HS3ST4: variants seen among roughly 807,000 people sequenced by gnomAD.
The protein encoded by HS3ST4 is heparan sulfate-glucosamine 3-sulfotransferase 4, also known as heparan sulfate glucosamine 3-O-sulfotransferase 4.
HS3ST4 carries 17 observed loss-of-function variants against 29.2 expected under a neutral mutation model. That is an observed-to-expected ratio of 0.58 (90% CI 0.40 to 0.87). The LOEUF is 0.87. Ranked by LOEUF, HS3ST4 falls within the 40% of genes least tolerant of loss-of-function variation. The probability of loss-of-function intolerance (pLI) is 0.00; values close to 1 mark genes in which losing one functional copy is unlikely to be tolerated. For synonymous variants in HS3ST4, 314 were observed against 285.7 expected (o/e 1.10, Z -1.00); for missense variants, 627 against 634.5 (o/e 0.99, Z 0.13).
At chr16:25,717,207 A>G (rs1032728038) in intron 1 of HS3ST4, among the ~76,000 whole-genome samples, 2 of 152,178 alleles carry the variant, frequency 1.3e-5, no homozygotes, top group South Asian at 2.1e-4. Flanking sequence ...TTATTCGGAC[A>G]TGAATTCAGG....
At position 25,928,564 on chromosome 16, in the gene HS3ST4, G is replaced by A. The variant is rs1270008174; in HGVS notation, c.735-207048G>A. On this transcript the variant is annotated intron_variant, in intron 1 of 1. Coordinates refer to ENST00000331351, the MANE Select transcript of HS3ST4 (RefSeq NM_006040.3). Reference sequence around the variant, plus strand: ...CTGTAGAATTCATGTGGCCTCCTATGCTTTGCTTCCAAGATAGAGTACTGT... The same window carrying A: ...CTGTAGAATTCATGTGGCCTCCTATACTTTGCTTCCAAGATAGAGTACTGT... 2.6e-5 allele frequency among the ~76,000 whole-genome samples: 4 copies of A among 152,166 alleles called. No individual in the cohort carries two copies. In the East Asian group the frequency reaches 7.7e-4, roughly 29 times the overall value.
At chr16:25,985,427 G>A (rs1033207804) in intron 1 of HS3ST4, among the ~76,000 whole-genome samples, 2 of 152,164 alleles carry the variant, frequency 1.3e-5, no homozygotes, top group African/African-American at 4.8e-5. Flanking sequence ...ATATCCCAGA[G>A]ATGCAAAGCA....
intron 1 of HS3ST4, among the ~76,000 whole-genome samples, chr16:26,111,874 A>C (rs1204814240): frequency 6.6e-6 from 1 of 152,058 alleles, no homozygotes; most frequent in African/African-American, 2.4e-5. Context: ...GAAATTAGCC[A>C]GGCATGATGA....
chr16:25,706,549 C>T (rs1003521965), intron 1 of HS3ST4, among the ~76,000 whole-genome samples: 1 of 152,092 alleles, frequency 6.6e-6, no homozygotes, highest in Non-Finnish European at 1.5e-5. Context: ...CACCCCCCGA[C>T]AGGCCCTGGT....
chr16:26,000,967 A>G (rs1969206786), intron 1 of HS3ST4, among the ~76,000 whole-genome samples: 2 of 152,198 alleles, frequency 1.3e-5, no homozygotes, highest in Non-Finnish European at 2.9e-5. Context: ...AGATAAAGAA[A>G]GATTGTGGAA....
rs148840219 is a variant in HS3ST4 at position 26,026,336 on chromosome 16, G to T, written c.735-109276G>T. 1.2e-3 allele frequency among the ~76,000 whole-genome samples: 189 copies of T among 152,332 alleles called. 2 individuals are homozygous for T. Among genetic ancestry groups the T allele is most frequent in the Admixed American group, 2.3e-3 (35 of 15,304 alleles). On this transcript the variant is annotated intron_variant, in intron 1 of 1. Coordinates refer to ENST00000331351, the MANE Select transcript of HS3ST4 (RefSeq NM_006040.3). ...AGGATGCATTTGGTCACAACAGAAA[G>T]CTCTGGTGCATCAGTTTACACCATA...
In HS3ST4 at chr16:26,123,314, T is replaced by C. The variant is rs74384066; in HGVS notation, c.735-12298T>C. Reference sequence around the variant, plus strand: ...GCTCAAAGCAAGTATGGTTCAGAGATAGAACCCAGAGACTCAACACTTCCT... The same window carrying C: ...GCTCAAAGCAAGTATGGTTCAGAGACAGAACCCAGAGACTCAACACTTCCT... On this transcript the variant is annotated intron_variant, in intron 1 of 1. Transcript: ENST00000331351. 1.8e-4 allele frequency among the ~76,000 whole-genome samples: 28 copies of C among 152,232 alleles called. No individual in the cohort carries two copies. In the East Asian group the frequency reaches 4.4e-3, roughly 24 times the overall value.
chr16:25,898,839 G>A (rs1968095316), intron 1 of HS3ST4, among the ~76,000 whole-genome samples: 1 of 152,222 alleles, frequency 6.6e-6, no homozygotes. Context: ...TCTCCTTGGT[G>A]CAAAAACAAG....
chr16:25,983,318 T>C (rs1969027773), intron 1 of HS3ST4, among the ~76,000 whole-genome samples: 1 of 152,196 alleles, frequency 6.6e-6, no homozygotes. Context: ...AATATGACCT[T>C]AGGCTTAATC....
intron 1 of HS3ST4, among the ~76,000 whole-genome samples, chr16:26,091,582 G>A (rs532351029): frequency 1.3e-5 from 2 of 152,078 alleles, no homozygotes; most frequent in Admixed American, 1.3e-4. Context: ...TCACCAGCTG[G>A]GGACTTCTGG....
intron 1 of HS3ST4, among the ~76,000 whole-genome samples, chr16:25,720,734 T>C (rs1966487246): frequency 6.6e-6 from 1 of 152,170 alleles, no homozygotes; most frequent in African/African-American, 2.4e-5. Context: ...CTGGACAAAA[T>C]GAGAAGTCAT....
At chr16:25,845,216 A>G (rs1186362639) in intron 1 of HS3ST4, among the ~76,000 whole-genome samples, 1 of 152,128 alleles carries the variant, frequency 6.6e-6, no homozygotes, top group East Asian at 1.9e-4. Context: ...TAAAAATTAA[A>G]AATAAATGTA....
chr16:26,017,312 C>G lies in HS3ST4; in HGVS notation c.735-118300C>G, dbSNP rs114949755. On this transcript the variant is annotated intron_variant, in intron 1 of 1. Coordinates refer to ENST00000331351, the MANE Select transcript of HS3ST4 (RefSeq NM_006040.3). The stretch of plus-strand genomic sequence containing the variant: ...TCTGTTTAGCAAATGCTTGGTAAAA[C>G]TGTCCCTTGTGATAACTTTGGAGGC... Among the ~76,000 whole-genome samples the G allele has an allele frequency of 8.0e-3, 1,222 of 152,308 alleles. 21 individuals are homozygous for G. Among genetic ancestry groups the G allele is most frequent in the African/African-American group, 0.028 (1,173 of 41,574 alleles).
chr16:25,900,185 T>C (rs922702496), intron 1 of HS3ST4, among the ~76,000 whole-genome samples: 36 of 144,246 alleles, frequency 2.5e-4, no homozygotes, highest in Admixed American at 2.3e-3. Flanking sequence ...GGGTACGTGG[T>C]AGTATTTATT....
In HS3ST4 at chr16:25,828,560, C is replaced by T. The variant is rs371486637; in HGVS notation, c.734+135409C>T. 7.9e-5 allele frequency among the ~76,000 whole-genome samples: 12 copies of T among 151,914 alleles called. No individual in the cohort carries two copies. In the East Asian group the frequency reaches 1.9e-3, roughly 25 times the overall value. ...TTCATCTTGTTGGCCAGGCCAGACT[C>T]GATCTCCTGGGCTCAAGCAATCCAC... On this transcript the variant is annotated intron_variant, in intron 1 of 1. Transcript: ENST00000331351.
chr16:25,757,712 G>C (rs1257163804), intron 1 of HS3ST4, among the ~76,000 whole-genome samples: 1 of 151,806 alleles, frequency 6.6e-6, no homozygotes, highest in Admixed American at 6.6e-5. Context: ...AATTTAGAGG[G>C]AACATCAAAC....
intron 1 of HS3ST4, among the ~76,000 whole-genome samples, chr16:25,757,046 G>A (rs1966762514): frequency 6.6e-6 from 1 of 152,168 alleles, no homozygotes; most frequent in Admixed American, 6.5e-5. Context: ...TATGTTTATA[G>A]TTAAATAAAC....
intron 1 of HS3ST4, among the ~76,000 whole-genome samples, chr16:25,724,659 G>C (rs1473714352): frequency 6.6e-6 from 1 of 151,878 alleles, no homozygotes; most frequent in Non-Finnish European, 1.5e-5. Context: ...ACTGCGCTCG[G>C]CCCCCTCAAC....
intron 1 of HS3ST4, among the ~76,000 whole-genome samples, chr16:26,095,891 G>T (rs768803282): frequency 5.3e-5 from 8 of 152,034 alleles, no homozygotes; most frequent in Non-Finnish European, 7.4e-5. Flanking sequence ...AAGAAGAAAA[G>T]AGAGAAGAAT....
Sources: gnomAD v4.1 joint callset for allele counts (sites outside exome capture counted in the v4.1 genomes callset) on GRCh38, gnomAD v4.1.1 for gene constraint, MANE v1.5 for transcripts, NCBI Gene and HGNC (gene_info 2026-07-23, HGNC 2026-07-21) for gene names.